RBMS1: variants seen among roughly 807,000 people sequenced by gnomAD.
The protein encoded by RBMS1 is RNA binding motif single stranded interacting protein 1, also known as RNA-binding motif, single-stranded-interacting protein 1.
In RBMS1, 17 loss-of-function variants were observed where a neutral mutation model predicts 62.3. The ratio of observed to expected loss-of-function variants is 0.27; its 90% CI spans 0.19 to 0.41. RBMS1 has a LOEUF of 0.41. RBMS1 is among the 10% of genes least tolerant of loss of function. The probability of loss-of-function intolerance (pLI) is 1.00; values close to 1 mark genes in which losing one functional copy is unlikely to be tolerated. For synonymous variants in RBMS1, 172 were observed against 170.0 expected, an observed-to-expected ratio of 1.01 and a Z score of -0.09; for missense variants, 334 against 504.5, an observed-to-expected ratio of 0.66 and a Z score of 3.24.
chr2:160,273,858 T>G lies in RBMS1; in HGVS notation c.*914A>C, dbSNP rs1298968288. On this transcript the variant is annotated 3_prime_UTR_variant, in exon 14 of 14. Coordinates refer to ENST00000348849, the MANE Select transcript of RBMS1 (RefSeq NM_016836.4). Reference sequence around the variant, plus strand: ...AATCAGTCAAACTATCAGAGGAAACTGTTGGCGTACAGCCTTACAAACAAT... The same window carrying G: ...AATCAGTCAAACTATCAGAGGAAACGGTTGGCGTACAGCCTTACAAACAAT... 6.6e-6 allele frequency: 1 copy of G among 152,270 alleles called. No homozygotes were observed. 9.4% of individuals were successfully genotyped at this position (152,270 alleles called of 1,614,324 possible).
intron 7 of RBMS1, among the ~76,000 whole-genome samples, chr2:160,286,709 T>C (rs536510871): frequency 1.4e-4 from 21 of 152,316 alleles, no homozygotes; most frequent in Middle Eastern, 3.4e-3. Flanking sequence ...TTTTACTTCA[T>C]GTGTAGCTAG....
chr2:160,456,423 T>G (rs1352952309), intron 1 of RBMS1, among the ~76,000 whole-genome samples: 3 of 152,340 alleles, frequency 2.0e-5, no homozygotes, highest in East Asian at 1.9e-4. Flanking sequence ...TTTTTATTAT[T>G]TTTAATCTAG....
rs1017950759 is a variant in RBMS1, at chr2:160,493,724, G to T, written c.-361C>A. The stretch of plus-strand genomic sequence containing the variant: ...CGCGCTGGCCGCGGTCCGCTCGGGC[G>T]AGCCGGCTGCGCGGGGCTGAGAGGT... On this transcript the variant is annotated 5_prime_UTR_variant, in exon 1 of 14. Coordinates refer to ENST00000348849, the MANE Select transcript of RBMS1 (RefSeq NM_016836.4). 2.2e-5 allele frequency: 8 copies of T among 359,512 alleles called. No homozygotes were observed. Among genetic ancestry groups the T allele is most frequent in the African/African-American group, 1.5e-4 (7 of 45,282 alleles). The allele number at this position is 359,512 out of a possible 1,614,324, so 22.3% of individuals were successfully genotyped here. A position where few individuals can be genotyped will look rare whatever the true frequency, so the allele number is the denominator to read the frequency against.
intron 1 of RBMS1, among the ~76,000 whole-genome samples, chr2:160,385,814 T>C (rs1559483420): frequency 6.6e-6 from 1 of 152,212 alleles, no homozygotes; most frequent in African/African-American, 2.4e-5. Flanking sequence ...AGGAAGATAC[T>C]CTTCCTCTAT....
At chr2:160,395,885 A>C (rs1261524031) in intron 1 of RBMS1, among the ~76,000 whole-genome samples, 1 of 152,180 alleles carries the variant, frequency 6.6e-6, no homozygotes, top group African/African-American at 2.4e-5. Flanking sequence ...TTATAACCGT[A>C]GGCTTTCCTT....
chr2:160,386,695 C>A (rs1250978580), intron 1 of RBMS1, among the ~76,000 whole-genome samples: 1 of 152,116 alleles, frequency 6.6e-6, no homozygotes, highest in South Asian at 2.1e-4. Context: ...AGTCTACCAC[C>A]CAGAAGAGAG....
At chr2:160,300,609 C>A in intron 6 of RBMS1, 42 bp downstream of exon 6, 1 of 1,552,588 alleles carries the variant, frequency 6.4e-7, no homozygotes, top group South Asian at 1.3e-5. Context: ...AAACATACAT[C>A]ATATAGAAGA....
chr2:160,344,512 T>G (rs771578088), intron 2 of RBMS1, among the ~76,000 whole-genome samples: 2 of 152,164 alleles, frequency 1.3e-5, no homozygotes, highest in Non-Finnish European at 2.9e-5. Context: ...TCATTCTTAA[T>G]GAACACTTTA....
chr2:160,316,145 T>G (rs1055938721), intron 3 of RBMS1, among the ~76,000 whole-genome samples: 1 of 152,172 alleles, frequency 6.6e-6, no homozygotes, highest in Non-Finnish European at 1.5e-5. Context: ...CACGTCAAGT[T>G]ATCTTGGGTA....
At chr2:160,351,389 G>C (rs1573913124) in intron 2 of RBMS1, among the ~76,000 whole-genome samples, 1 of 152,008 alleles carries the variant, frequency 6.6e-6, no homozygotes, top group East Asian at 1.9e-4. Flanking sequence ...TTAAAAGTCA[G>C]AACCAATACT....
chr2:160,277,215 G>A (rs930337181), intron 12 of RBMS1, 88 bp downstream of exon 12: 14 of 1,204,538 alleles, frequency 1.2e-5, no homozygotes, highest in Admixed American at 9.0e-5. Context: ...AATATTTGAC[G>A]TCTGGTAGAT....
intron 1 of RBMS1, among the ~76,000 whole-genome samples, chr2:160,442,813 G>A (rs1683462491): frequency 6.6e-6 from 1 of 152,200 alleles, no homozygotes; most frequent in Non-Finnish European, 1.5e-5. Flanking sequence ...AGGCAGGAAG[G>A]AACAACCGCC....
At chr2:160,278,266 G>C (rs1687935740) in intron 11 of RBMS1, 4 of 425,618 alleles carry the variant, frequency 9.4e-6, no homozygotes, top group Non-Finnish European at 1.7e-5. Flanking sequence ...CAGGGACAGT[G>C]GTACTAGTTA....
intron 4 of RBMS1, among the ~76,000 whole-genome samples, chr2:160,311,232 C>CTATATATCTATATATCTATA (rs1689866017): frequency 3.8e-5 from 3 of 79,254 alleles, no homozygotes; most frequent in East Asian, 3.2e-4. Context: ...ATCTATCTAT[C>CTATATATCTATATATCTATA]TATATATATA....
At chr2:160,366,790 A>C (rs1285804191) in intron 2 of RBMS1, 1 of 158,728 alleles carries the variant, frequency 6.3e-6, no homozygotes, top group Non-Finnish European at 1.4e-5. Context: ...AGCTGGAATT[A>C]AGAGCTTACA....
intron 4 of RBMS1, among the ~76,000 whole-genome samples, chr2:160,306,673 T>C (rs1035322704): frequency 6.6e-6 from 1 of 151,182 alleles, no homozygotes; most frequent in Non-Finnish European, 1.5e-5. Flanking sequence ...TGCCACAAAA[T>C]AACAAAGTGT....
chr2:160,362,509 A>G (rs1573933518), intron 2 of RBMS1, among the ~76,000 whole-genome samples: 1 of 152,286 alleles, frequency 6.6e-6, no homozygotes, highest in Admixed American at 6.5e-5. Flanking sequence ...AGGAGACAGA[A>G]GGGGAATGAC....
intron 1 of RBMS1, among the ~76,000 whole-genome samples, chr2:160,403,938 A>C (rs1177894389): frequency 1.3e-5 from 2 of 152,248 alleles, no homozygotes; most frequent in African/African-American, 4.8e-5. Context: ...TTCTATATCT[A>C]AAAGCCTTTG....
chr2:160,296,060 C>T (rs1277177785), intron 6 of RBMS1, among the ~76,000 whole-genome samples: 5 of 152,186 alleles, frequency 3.3e-5, no homozygotes, highest in African/African-American at 7.2e-5. Context: ...AGCAAGAAAA[C>T]GCCAGCTGGG....
Sources: gnomAD v4.1 joint callset for allele counts (sites outside exome capture counted in the v4.1 genomes callset) on GRCh38, gnomAD v4.1.1 for gene constraint, MANE v1.5 for transcripts, NCBI Gene and HGNC (gene_info 2026-07-23, HGNC 2026-07-21) for gene names.